The following SLCO1B1 variants were observed in gnomAD, a reference collection of about 807,000 sequenced individuals.
The protein encoded by SLCO1B1 is OATP-2.
A neutral mutation model predicts 70.1 loss-of-function variants in SLCO1B1; 81 were observed. That is an observed-to-expected ratio of 1.16 (90% CI 0.97 to 1.39). The LOEUF (loss-of-function observed/expected upper bound fraction) is 1.39. Among genes scored for constraint, SLCO1B1 ranks in the 40% most tolerant of loss-of-function variants. The pLI, the probability that SLCO1B1 is intolerant of heterozygous loss-of-function variation, is 0.00. For missense variants in SLCO1B1, 895 were observed against 799.6 expected (o/e 1.12, Z -1.44); for synonymous variants, 283 against 271.5 (o/e 1.04, Z -0.42).
At chr12:21,194,927 G>A (rs1000668197) in intron 7 of SLCO1B1, among the ~76,000 whole-genome samples, 3 of 152,140 alleles carry the variant, frequency 2.0e-5, no homozygotes, top group African/African-American at 7.2e-5. Flanking sequence ...ATCACATGTT[G>A]AGAGAAAGAG....
chr12:21,141,625 G>A lies in SLCO1B1; in HGVS notation c.51G>A (p.Glu17=), dbSNP rs754752027. Residue 17 remains glutamate (E), a synonymous_variant, in exon 2 of 15, where the codon GAG becomes GAA. Coordinates refer to ENST00000256958, the MANE Select transcript of SLCO1B1 (RefSeq NM_006446.5). The stretch of plus-strand genomic sequence containing the variant: ...AAACAGCAGAGGCACAACCTTCAGA[G>A]AATAAGAAAACAAGATACTGCAATG... ...LNKTAEAQPS[E]NKKTRYCNGL... 3.1e-6 allele frequency: 5 copies of A among 1,608,480 alleles called. No homozygotes were observed. Among genetic ancestry groups the A allele is most frequent in the Admixed American group, 3.3e-5 (2 of 59,814 alleles).
intron 2 of SLCO1B1, chr12:21,164,867 G>T: frequency 2.1e-6 from 1 of 483,558 alleles, no homozygotes; most frequent in Non-Finnish European, 4.1e-6. Context: ...CAAACTTATG[G>T]CAATTATAAA....
chr12:21,175,642 T>C (rs550882081), intron 4 of SLCO1B1, among the ~76,000 whole-genome samples: 3 of 152,174 alleles, frequency 2.0e-5, no homozygotes, highest in East Asian at 3.9e-4. Context: ...TTGGCCCTTA[T>C]AGGAAGTTTC....
At chr12:21,179,680 T>C (rs1172002240) in intron 7 of SLCO1B1, among the ~76,000 whole-genome samples, 1 of 152,126 alleles carries the variant, frequency 6.6e-6, no homozygotes, top group East Asian at 1.9e-4. Context: ...GCACCATATC[T>C]ATCTTTATCT....
Position 21,202,495 on chromosome 12 carries a change from C to A in SLCO1B1, c.1140C>A (p.Val380=). 6.3e-7 allele frequency: 1 copy of A among 1,599,858 alleles called. No homozygotes were observed. Among genetic ancestry groups the A allele is most frequent in the Non-Finnish European group, 8.5e-7 (1 of 1,171,594 alleles). ...CTTTTTTTCTTTTTTTTCTAGGAGT[C>A]ATAACCATACCTATTTTTGCAAGTG... The part of the protein sequence containing the change: ...PSSKANILLG[V]ITIPIFASGM... Residue 380 remains valine, a synonymous_variant, in exon 10 of 15, where the codon GTC becomes GTA. Coordinates refer to ENST00000256958, the MANE Select transcript of SLCO1B1 (RefSeq NM_006446.5).
intron 3 of SLCO1B1, 68 bp downstream of exon 3, chr12:21,172,859 T>A (rs1940772984): frequency 7.0e-7 from 1 of 1,423,480 alleles, no homozygotes; most frequent in African/African-American, 1.4e-5. Flanking sequence ...TTTACACCAC[T>A]GGTTATCAAC....
At position 21,196,962 on chromosome 12, in the gene SLCO1B1, T is replaced by A; in HGVS notation, c.744T>A (p.Thr248=). The A allele has an allele frequency of 6.2e-7, 1 of 1,613,586 alleles. No homozygotes were observed. The highest frequency in any genetic ancestry group is 8.5e-7 in the Non-Finnish European group (1 of 1,179,580). ...TTATTCTAGGCACTATCAGGATAAC[T>A]CCTACTGATTCTCGATGGGTTGGAG... is the stretch of plus-strand genomic sequence containing the variant. ...GYVDLSTIRI[T]PTDSRWVGAW... The change falls in exon 8 of 15, where the codon ACT becomes ACA. Residue 248 remains threonine, a synonymous_variant. Transcript: ENST00000256958.
intron 1 of SLCO1B1, among the ~76,000 whole-genome samples, chr12:21,135,401 G>A (rs1266546978): frequency 6.6e-6 from 1 of 152,220 alleles, no homozygotes; most frequent in East Asian, 1.9e-4. Context: ...TTAACTTTCT[G>A]TCTCATTGAT....
chr12:21,223,233 C>T (rs980316772), intron 13 of SLCO1B1, among the ~76,000 whole-genome samples: 4 of 152,070 alleles, frequency 2.6e-5, no homozygotes, highest in Non-Finnish European at 5.9e-5. Context: ...TATCCTATTT[C>T]GATGTATCCA....
chr12:21,133,829 TCTC>T (rs897714095), intron 1 of SLCO1B1, among the ~76,000 whole-genome samples: 11 of 152,142 alleles, frequency 7.2e-5, no homozygotes, highest in Non-Finnish European at 8.8e-5. Flanking sequence ...TTTATTTTCT[TCTC>T]CTGCCTGATT....
At chr12:21,229,225 AAAC>A (rs1241803964) in intron 14 of SLCO1B1, among the ~76,000 whole-genome samples, 3 of 152,130 alleles carry the variant, frequency 2.0e-5, no homozygotes, top group African/African-American at 7.2e-5. Context: ...ACAAATGATG[AAAC>A]AACATTAACA....
chr12:21,185,638 C>G (rs1940955643), intron 7 of SLCO1B1, among the ~76,000 whole-genome samples: 1 of 151,442 alleles, frequency 6.6e-6, no homozygotes. Flanking sequence ...ATCAAGAAGG[C>G]AGAGAGATTT....
chr12:21,150,384 G>T (rs546392191), intron 2 of SLCO1B1, among the ~76,000 whole-genome samples: 1 of 152,102 alleles, frequency 6.6e-6, no homozygotes, highest in South Asian at 2.1e-4. Flanking sequence ...CCTGACTCCC[G>T]TGCCTCCTGA....
intron 10 of SLCO1B1, among the ~76,000 whole-genome samples, chr12:21,202,959 A>G (rs1407226012): frequency 6.6e-6 from 1 of 152,064 alleles, no homozygotes; most frequent in East Asian, 1.9e-4. Flanking sequence ...TCATTATTTT[A>G]TGAATGGGAA....
Position 21,222,417 on chromosome 12 carries a change from TATATATATATACAC to T in SLCO1B1, c.1747+55_1747+68del, listed in dbSNP as rs1311874177. On this transcript the variant is annotated intron_variant, in intron 13 of 14. Coordinates refer to ENST00000256958, the MANE Select transcript of SLCO1B1 (RefSeq NM_006446.5). ...AAAAAAATATATATATATATATATATATATATATATACACACACACATACATATATTAAATTTAA... is the reference window on the plus strand; with the variant it reads ...AAAAAAATATATATATATATATATATACACACATACATATATTAAATTTAA... 5.9e-4 allele frequency: 104 copies of T among 176,598 alleles called. 1 individual carries two copies. Among genetic ancestry groups the T allele is most frequent in the African/African-American group, 3.7e-3 (100 of 26,822 alleles). The allele number at this position is 176,598 out of a possible 1,614,324, so 10.9% of individuals were successfully genotyped here.
rs1342777436 is a variant in SLCO1B1, at chr12:21,172,697, T to G, written c.132T>G (p.Gly44=). 9.9e-6 allele frequency: 16 copies of G among 1,613,696 alleles called. No homozygotes were observed. Among genetic ancestry groups the G allele is most frequent in the Middle Eastern group, 1.6e-4 (1 of 6,074 alleles). Residue 44 remains glycine (G), a synonymous_variant, in exon 3 of 15, where the codon GGT becomes GGG. Coordinates refer to ENST00000256958, the MANE Select transcript of SLCO1B1 (RefSeq NM_006446.5). ...LSLSFIAKTL[G]AIIMKSSIIH... ...TCAGCTTTATTGCTAAGACACTAGG[T>G]GCAATTATTATGAAAAGTTCCATCA...
At position 21,195,420 on chromosome 12, in the gene SLCO1B1, T is replaced by TTTTG. The variant is rs369394833; in HGVS notation, c.728-1510_728-1507dup. ...TGAAAACTGAGGTGTTTTCTTTGTTTTTTGTTTGTTTGTTTGTTTTTCTTT... is the reference window on the plus strand; with the variant it reads ...TGAAAACTGAGGTGTTTTCTTTGTTTTTTGTTTGTTTGTTTGTTTGTTTTTCTTT... On this transcript the variant is annotated intron_variant, in intron 7 of 14. Coordinates refer to ENST00000256958, the MANE Select transcript of SLCO1B1 (RefSeq NM_006446.5). 2.6e-3 allele frequency among the ~76,000 whole-genome samples: 403 copies of TTTTG among 152,234 alleles called. 3 individuals carry two copies. In the South Asian group the frequency reaches 0.039, roughly 15 times the overall value.
intron 14 of SLCO1B1, among the ~76,000 whole-genome samples, chr12:21,237,430 T>G: frequency 6.6e-6 from 1 of 152,076 alleles, no homozygotes; most frequent in Non-Finnish European, 1.5e-5. Flanking sequence ...CTCTTCTTGC[T>G]TGCATGGTTT....
chr12:21,238,562 T>C (rs932484017), intron 14 of SLCO1B1, among the ~76,000 whole-genome samples: 2 of 152,094 alleles, frequency 1.3e-5, no homozygotes, highest in African/African-American at 4.8e-5. Context: ...TGATAAGCCT[T>C]TATTAATATG....
Sources: allele counts gnomAD v4.1 joint callset (sites outside exome capture counted in the v4.1 genomes callset), GRCh38; gene constraint gnomAD v4.1.1; transcripts MANE v1.5; gene names NCBI Gene and HGNC (gene_info 2026-07-23, HGNC 2026-07-21).